Variants in MINPP1 observed in about 807,000 individuals in gnomAD.
MINPP1 encodes multiple inositol polyphosphate phosphatase 1.
In MINPP1, 28 loss-of-function variants were observed where a neutral mutation model predicts 46.1. That is an observed-to-expected ratio of 0.61 (90% confidence interval 0.45 to 0.83). The LOEUF (loss-of-function observed/expected upper bound fraction) is 0.83, where lower values mean the gene tolerates loss of function less well. MINPP1 is among the 40% of genes least tolerant of loss of function. The pLI is 0.00. For synonymous variants in MINPP1, 268 were observed against 249.1 expected, an observed-to-expected ratio of 1.08 and a Z score of -0.72; for missense variants, 603 against 610.0, an observed-to-expected ratio of 0.99 and a Z score of 0.12.
At chr10:87,521,382 A>C (rs74150485) in intron 4 of MINPP1, among the ~76,000 whole-genome samples, 4,301 of 152,254 alleles carry the variant, frequency 0.028, 198 homozygotes, top group African/African-American at 0.093. Flanking sequence ...TTCATAATAA[A>C]TTGCATTTGT....
chr10:87,544,203 G>A (rs1193941870), intron 4 of MINPP1, among the ~76,000 whole-genome samples: 1 of 152,142 alleles, frequency 6.6e-6, no homozygotes, highest in African/African-American at 2.4e-5. Flanking sequence ...TCCAGGAGTG[G>A]CTCACAGAGC....
At chr10:87,544,480 C>T (rs1423117079) in intron 4 of MINPP1, among the ~76,000 whole-genome samples, 1 of 152,166 alleles carries the variant, frequency 6.6e-6, no homozygotes, top group East Asian at 1.9e-4. Flanking sequence ...TTGCTCTTCC[C>T]TGAGGTTGAG....
At chr10:87,519,464 A>C (rs1263670337) in intron 3 of MINPP1, among the ~76,000 whole-genome samples, 1 of 152,136 alleles carries the variant, frequency 6.6e-6, no homozygotes, top group African/African-American at 2.4e-5. Flanking sequence ...GCGTTCATGT[A>C]ATATGTCATT....
chr10:87,534,392 G>A (rs1259149524), intron 4 of MINPP1, among the ~76,000 whole-genome samples: 1 of 152,068 alleles, frequency 6.6e-6, no homozygotes, highest in Non-Finnish European at 1.5e-5. Flanking sequence ...ATAAGTAAAA[G>A]TTTATATAAC....
At position 87,535,933 on chromosome 10, in the gene MINPP1, T is replaced by A. The variant is rs192681253; in HGVS notation, c.1067+14764T>A. 9.7e-3 allele frequency among the ~76,000 whole-genome samples: 1,480 copies of A among 151,992 alleles called. 24 individuals are homozygous for A. Among genetic ancestry groups the A allele is most frequent in the African/African-American group, 0.034 (1,395 of 41,500 alleles). On this transcript the variant is annotated intron_variant, in intron 4 of 4. Transcript: ENST00000371996. The stretch of plus-strand genomic sequence containing the variant: ...AACAGAGCAAGACCCTGTCTCTAAA[T>A]AAATAAATAAATAAATTAAGATTGT...
In MINPP1 at chr10:87,521,083, T is replaced by G. The variant is rs1321305674; in HGVS notation, c.981T>G (p.Tyr327Ter). 1.4e-6 allele frequency: 2 copies of G among 1,408,848 alleles called. No homozygotes were observed. The highest frequency in any genetic ancestry group is 2.0e-6 in the Non-Finnish European group (2 of 994,534). The allele number at this position is 1,408,848 out of a possible 1,614,324, so 87.3% of individuals were successfully genotyped here. A position where few individuals can be genotyped will look rare whatever the true frequency, so the allele number is the denominator to read the frequency against. The change falls in exon 4 of 5, where the codon TAT becomes TAG. Residue 327 changes from tyrosine to a stop codon, truncating the protein, a stop_gained. Transcript: ENST00000371996. LOFTEE classifies it high-confidence loss of function. Reference sequence around the variant, plus strand: ...TGAAACAATATTGGAAAAGAGGATATGGGTATACTATTAACAGTCGATCCA... The same window carrying G: ...TGAAACAATATTGGAAAAGAGGATAGGGGTATACTATTAACAGTCGATCCA... ...NDLKQYWKRG[Y>*]GYTINSRSSC...
rs190555886 is a variant in MINPP1, at chr10:87,508,544, T to C, written c.835+11T>C. ...ATGATTTAAATGCAGGTAATATGTC[T>C]GTTGTCTTTTATTTGAACTTAACAG... On this transcript the variant is annotated intron_variant, in intron 2 of 4. Transcript: ENST00000371996. The C allele has an allele frequency of 1.4e-5, 22 of 1,603,652 alleles. No homozygotes were observed. In the East Asian group the frequency reaches 4.0e-4, roughly 29 times the overall value.
At chr10:87,519,468 T>C (rs894971591) in intron 3 of MINPP1, among the ~76,000 whole-genome samples, 1 of 152,218 alleles carries the variant, frequency 6.6e-6, no homozygotes, top group Admixed American at 6.5e-5. Flanking sequence ...TCATGTAATA[T>C]GTCATTTCCT....
chr10:87,537,241 T>G (rs1851748984), intron 4 of MINPP1, among the ~76,000 whole-genome samples: 1 of 152,144 alleles, frequency 6.6e-6, no homozygotes, highest in Admixed American at 6.5e-5. Flanking sequence ...CCGGCCGTCT[T>G]TTTCACTTTT....
Position 87,552,816 on chromosome 10 carries a change from A to C in MINPP1, c.*338A>C, listed in dbSNP as rs542292001. ...AACACTTGAAAAGTGCTGGAGTAAC[A>C]AAATATCTCAGTTGGACCATCCTTA... On this transcript the variant is annotated 3_prime_UTR_variant, in exon 5 of 5. Transcript: ENST00000371996. 154 of 311,216 alleles carry C rather than the reference A, an allele frequency of 4.9e-4. No individual in the cohort carries two copies. The highest frequency in any genetic ancestry group is 5.5e-4 in the Non-Finnish European group (91 of 164,734). The allele number at this position is 311,216 out of a possible 1,614,324, so 19.3% of individuals were successfully genotyped here. A position where few individuals can be genotyped will look rare whatever the true frequency, so the allele number is the denominator to read the frequency against.
intron 3 of MINPP1, among the ~76,000 whole-genome samples, 165 bp downstream of exon 3, chr10:87,513,386 G>A (rs961687957): frequency 6.6e-6 from 1 of 152,058 alleles, no homozygotes; most frequent in Non-Finnish European, 1.5e-5. Flanking sequence ...AGAGATTAAA[G>A]GTTCAAATTG....
Position 87,508,094 on chromosome 10 carries a change from A to G in MINPP1, c.638-242A>G, listed in dbSNP as rs994943941. Reference sequence around the variant, plus strand: ...TGCAATTTCATTGCGTAGCATCTCTACAACACATTTAATCTTCAATCTCTA... The same window carrying G: ...TGCAATTTCATTGCGTAGCATCTCTGCAACACATTTAATCTTCAATCTCTA... On this transcript the variant is annotated intron_variant, in intron 1 of 4. Transcript: ENST00000371996. 5 of 1,509,248 alleles carry G rather than the reference A, an allele frequency of 3.3e-6. No homozygotes were observed. In the African/African-American group the frequency reaches 5.6e-5, roughly 17 times the overall value. The allele number at this position is 1,509,248 out of a possible 1,614,324, so 93.5% of individuals were successfully genotyped here. A position where few individuals can be genotyped will look rare whatever the true frequency, so the allele number is the denominator to read the frequency against.
In MINPP1 at chr10:87,515,659, A is replaced by G. The variant is rs530452174; in HGVS notation, c.933+2438A>G. ...CTGAAGTATTTACAGGTGAAATAAA[A>G]TGATACCTGGGATTTGCTTCAAAAT... On this transcript the variant is annotated intron_variant, in intron 3 of 4. Transcript: ENST00000371996. Among the ~76,000 whole-genome samples, 19 of 152,248 alleles carry G rather than the reference A, an allele frequency of 1.2e-4. No individual in the cohort carries two copies. The East Asian group carries it at 2.3e-3, about 19-fold the overall frequency.
chr10:87,520,859 T>C (rs1023680669), intron 3 of MINPP1, among the ~76,000 whole-genome samples, 177 bp from the exon 4 acceptor site: 3 of 152,056 alleles, frequency 2.0e-5, no homozygotes, highest in African/African-American at 7.2e-5. Context: ...GCAGCATAAA[T>C]CTCTCTGTGG....
chr10:87,547,730 C>T (rs1340893930), intron 4 of MINPP1, among the ~76,000 whole-genome samples: 2 of 152,170 alleles, frequency 1.3e-5, no homozygotes, highest in Non-Finnish European at 2.9e-5. Context: ...GACTTGAACT[C>T]ATCTCCTGGA....
In MINPP1 at chr10:87,552,253, G is replaced by A. The variant is rs1851975222; in HGVS notation, c.1239G>A (p.Ser413=). The A allele has an allele frequency of 2.5e-6, 4 of 1,613,650 alleles. No homozygotes were observed. Among genetic ancestry groups the A allele is most frequent in the South Asian group, 1.1e-5 (1 of 91,076 alleles). ...GTGGTCTCATTGTACCTTATGCCTCGAACCTGATATTTGTGCTTTACCACT... is the reference window on the plus strand; with the variant it reads ...GTGGTCTCATTGTACCTTATGCCTCAAACCTGATATTTGTGCTTTACCACT... ...FRSGLIVPYA[S]NLIFVLYHCE... The change falls in exon 5 of 5, where the codon TCG becomes TCA. Residue 413 remains serine (S), a synonymous_variant. Transcript: ENST00000371996.
chr10:87,505,437 C>G lies in MINPP1; in HGVS notation c.522C>G (p.Tyr174Ter). The change falls in exon 1 of 5, where the codon TAC (tyrosine) becomes TAG (stop). Residue 174 changes from tyrosine (Y) to a stop codon, truncating the protein, a stop_gained. Coordinates refer to ENST00000371996, the MANE Select transcript of MINPP1 (RefSeq NM_004897.5). LOFTEE classifies it high-confidence loss of function. The surrounding 1 kb of genome is among the most constrained non-coding windows in gnomAD (Gnocchi z 4.4). Reference protein sequence around the residue: ...LFPALFSRENYGRLRLITSSK... With the variant: ...LFPALFSREN Reference sequence around the variant, plus strand: ...CGGCCCTTTTCAGCCGTGAGAACTACGGCCGCCTGCGGCTCATCACCAGTT... The same window carrying G: ...CGGCCCTTTTCAGCCGTGAGAACTAGGGCCGCCTGCGGCTCATCACCAGTT... 6.2e-7 allele frequency: 1 copy of G among 1,613,158 alleles called. No homozygotes were observed. Among genetic ancestry groups the G allele is most frequent in the Non-Finnish European group, 8.5e-7 (1 of 1,179,632 alleles).
In MINPP1 at chr10:87,507,826, C is replaced by T. The variant is rs549863869; in HGVS notation, c.638-510C>T. 6 of 1,028,898 alleles carry T rather than the reference C, an allele frequency of 5.8e-6. No homozygotes were observed. The South Asian group carries it at 2.3e-4, about 40-fold the overall frequency. 63.7% of individuals were successfully genotyped at this position (1,028,898 alleles called of 1,614,324 possible). A position where few individuals can be genotyped will look rare whatever the true frequency, so the allele number is the denominator to read the frequency against. Reference sequence around the variant, plus strand: ...ACAGTGAAGCACAGGAGACCCAAAACATCAGTGCGTTTTGTGCTGCTGTCA... The same window carrying T: ...ACAGTGAAGCACAGGAGACCCAAAATATCAGTGCGTTTTGTGCTGCTGTCA... On this transcript the variant is annotated intron_variant, in intron 1 of 4. Transcript: ENST00000371996.
chr10:87,551,845 T>C (rs186442829), intron 4 of MINPP1, among the ~76,000 whole-genome samples: 3 of 152,272 alleles, frequency 2.0e-5, no homozygotes, highest in Admixed American at 1.3e-4. Context: ...TGCACACTTA[T>C]ATGGATTTAC....
Sources: allele counts gnomAD v4.1 joint callset (sites outside exome capture counted in the v4.1 genomes callset), GRCh38; gene constraint gnomAD v4.1.1; non-coding constraint Gnocchi (gnomAD v3.1); transcripts MANE v1.5; gene names NCBI Gene and HGNC (gene_info 2026-07-23, HGNC 2026-07-21).